The following STIM2 variants were observed in gnomAD, a reference collection of about 807,000 sequenced individuals.
The protein encoded by STIM2 is stromal interaction molecule 2.
In STIM2, 31 loss-of-function variants were observed where a neutral mutation model predicts 85.8. The observed-to-expected ratio is 0.36, with a 90% CI of 0.27 to 0.49. The LOEUF (loss-of-function observed/expected upper bound fraction) is 0.49, where lower values mean the gene tolerates loss of function less well. Among genes scored for constraint, STIM2 ranks in the 20% least tolerant of loss-of-function variants. STIM2 has a pLI of 0.98. For synonymous variants in STIM2, 356 were observed against 331.1 expected, an observed-to-expected ratio of 1.08 and a Z score of -0.82; for missense variants, 841 against 927.6, an observed-to-expected ratio of 0.91 and a Z score of 1.21.
At chr4:26,985,801 T>C (rs977602392) in intron 3 of STIM2, among the ~76,000 whole-genome samples, 19 of 152,222 alleles carry the variant, frequency 1.2e-4, no homozygotes, top group Non-Finnish European at 7.3e-5. Context: ...ATTAAAAAAA[T>C]TATTAACAAG....
At chr4:27,013,027 C>T (rs750831860) in intron 10 of STIM2, among the ~76,000 whole-genome samples, 1 of 151,804 alleles carries the variant, frequency 6.6e-6, no homozygotes. Flanking sequence ...GCGTTTGGTT[C>T]GTTATTTAGG....
chr4:26,909,183 G>A (rs959568015), intron 1 of STIM2, among the ~76,000 whole-genome samples: 1 of 152,174 alleles, frequency 6.6e-6, no homozygotes, highest in South Asian at 2.1e-4. Flanking sequence ...CGACTGTGTC[G>A]TTTATTAACT....
rs183882907 is a variant in STIM2 at position 26,913,896 on chromosome 4, A to G, written c.152-5608A>G. Among the ~76,000 whole-genome samples the G allele has an allele frequency of 5.0e-3, 759 of 152,294 alleles. 9 individuals are homozygous for G. Among genetic ancestry groups the G allele is most frequent in the African/African-American group, 0.018 (736 of 41,570 alleles). The stretch of plus-strand genomic sequence containing the variant: ...GGCGGGAGAGTTAGTAAGCAAACGA[A>G]TCAACTCATATACTGCCCTGTGATA... On this transcript the variant is annotated intron_variant, in intron 1 of 11. Coordinates refer to ENST00000467087, the MANE Select transcript of STIM2 (RefSeq NM_020860.4).
chr4:26,957,012 G>T (rs1726270790), intron 2 of STIM2, among the ~76,000 whole-genome samples: 3 of 152,116 alleles, frequency 2.0e-5, no homozygotes, highest in Admixed American at 2.0e-4. Flanking sequence ...CTTGGTGTCT[G>T]TGGGGGATTA....
intron 2 of STIM2, among the ~76,000 whole-genome samples, chr4:26,956,142 T>C (rs116224221): frequency 3.6e-4 from 55 of 152,204 alleles, no homozygotes; most frequent in Non-Finnish European, 6.8e-4. Flanking sequence ...TTATGTGATC[T>C]TATAGTTTTG....
At chr4:26,921,995 A>G (rs1489709538) in intron 2 of STIM2, among the ~76,000 whole-genome samples, 1 of 152,218 alleles carries the variant, frequency 6.6e-6, no homozygotes, top group Non-Finnish European at 1.5e-5. Flanking sequence ...CACCGACTAT[A>G]TGATAATTCT....
chr4:27,002,881 A>C (rs1728206721), intron 6 of STIM2, 46 bp from the exon 7 acceptor site: 1 of 1,451,092 alleles, frequency 6.9e-7, no homozygotes, highest in African/African-American at 1.5e-5. Flanking sequence ...AAAAAAATAA[A>C]ACTGGAAATT....
chr4:26,901,803 CTTGGTGGTCTT>C (rs1297321322), intron 1 of STIM2, among the ~76,000 whole-genome samples: 1 of 152,124 alleles, frequency 6.6e-6, no homozygotes, highest in Non-Finnish European at 1.5e-5. Context: ...TGACTCCAGA[CTTGGTGGTCTT>C]TGTGAAATTC....
chr4:26,931,598 G>A (rs1560211009), intron 2 of STIM2, among the ~76,000 whole-genome samples: 1 of 152,134 alleles, frequency 6.6e-6, no homozygotes, highest in Non-Finnish European at 1.5e-5. Context: ...GCTTTGCAGT[G>A]AATGGTGACT....
intron 1 of STIM2, chr4:26,881,477 A>AT (rs1203579484): frequency 6.6e-6 from 1 of 152,230 alleles, no homozygotes; most frequent in Non-Finnish European, 1.5e-5. Context: ...AAAAAAAAAA[A>AT]AAAGCCACTT....
intron 11 of STIM2, chr4:27,019,399 G>A (rs1157818917): frequency 6.2e-6 from 8 of 1,288,474 alleles, no homozygotes; most frequent in East Asian, 1.1e-4. Context: ...TGTCTTTGCA[G>A]TATGATCATA....
chr4:27,018,911 A>G (rs555768885), intron 11 of STIM2, among the ~76,000 whole-genome samples: 3 of 152,374 alleles, frequency 2.0e-5, no homozygotes, highest in Middle Eastern at 3.4e-3. Context: ...CATAAGCAGT[A>G]TCATATGCCA....
chr4:26,868,064 G>C (rs1722469637), intron 1 of STIM2, among the ~76,000 whole-genome samples: 1 of 152,198 alleles, frequency 6.6e-6, no homozygotes, highest in Non-Finnish European at 1.5e-5. Context: ...TTTCTACTAG[G>C]CTTTGTCAGC....
rs1723365935 is a variant in STIM2 at position 26,889,087 on chromosome 4, CA to C, written c.151+27723del. 2.0e-5 allele frequency among the ~76,000 whole-genome samples: 3 copies of C among 152,254 alleles called. No individual in the cohort carries two copies. The South Asian group carries it at 6.2e-4, about 32-fold the overall frequency. On this transcript the variant is annotated intron_variant, in intron 1 of 11. Transcript: ENST00000467087. ...GAGGATAAGGTTAAAGAATAGGCAACAAAAATTTCGCTAGTGAAACAATAGG... is the reference window on the plus strand; with the variant it reads ...GAGGATAAGGTTAAAGAATAGGCAACAAAATTTCGCTAGTGAAACAATAGG...
In STIM2 at chr4:26,861,176, C is replaced by A; in HGVS notation, c.-43C>A. 7.1e-7 allele frequency: 1 copy of A among 1,409,822 alleles called. No homozygotes were observed. The allele number at this position is 1,409,822 out of a possible 1,614,324, so 87.3% of individuals were successfully genotyped here. A position where few individuals can be genotyped will look rare whatever the true frequency, so the allele number is the denominator to read the frequency against. Reference sequence around the variant, plus strand: ...GCCTTCATCCCGCCTCGACTCCTGGCCCAGCGTGGGGCTGGCTGCTGCGGC... The same window carrying A: ...GCCTTCATCCCGCCTCGACTCCTGGACCAGCGTGGGGCTGGCTGCTGCGGC... On this transcript the variant is annotated 5_prime_UTR_variant, in exon 1 of 12. Transcript: ENST00000467087.
chr4:26,944,785 C>A (rs1270029499), intron 2 of STIM2, among the ~76,000 whole-genome samples: 1 of 152,052 alleles, frequency 6.6e-6, no homozygotes, highest in Non-Finnish European at 1.5e-5. Context: ...GTATTTTCCC[C>A]AACACTATCT....
At chr4:26,936,439 TCTA>T (rs1359226671) in intron 2 of STIM2, among the ~76,000 whole-genome samples, 2 of 152,216 alleles carry the variant, frequency 1.3e-5, no homozygotes, top group African/African-American at 4.8e-5. Flanking sequence ...TTTCTCTTAT[TCTA>T]CTGTTTCTTA....
intron 1 of STIM2, among the ~76,000 whole-genome samples, chr4:26,881,307 A>G (rs1198986925): frequency 6.6e-6 from 1 of 152,100 alleles, no homozygotes. Flanking sequence ...CTTTACTAAA[A>G]ATACAAAAAT....
chr4:26,861,162 G>T lies in STIM2; in HGVS notation c.-57G>T, dbSNP rs994134145. On this transcript the variant is annotated 5_prime_UTR_variant, in exon 1 of 12. Coordinates refer to ENST00000467087, the MANE Select transcript of STIM2 (RefSeq NM_020860.4). ...GGCTTCTCCTCGGCGCCTTCATCCCGCCTCGACTCCTGGCCCAGCGTGGGG... is the reference window on the plus strand; with the variant it reads ...GGCTTCTCCTCGGCGCCTTCATCCCTCCTCGACTCCTGGCCCAGCGTGGGG... The T allele has an allele frequency of 1.5e-6, 2 of 1,362,102 alleles. No homozygotes were observed. The highest frequency in any genetic ancestry group is 1.5e-5 in the African/African-American group (1 of 66,564). The allele number at this position is 1,362,102 out of a possible 1,614,324, so 84.4% of individuals were successfully genotyped here. A position where few individuals can be genotyped will look rare whatever the true frequency, so the allele number is the denominator to read the frequency against.
Sources: gnomAD v4.1 joint callset for allele counts (sites outside exome capture counted in the v4.1 genomes callset) on GRCh38, gnomAD v4.1.1 for gene constraint, MANE v1.5 for transcripts, NCBI Gene and HGNC (gene_info 2026-07-23, HGNC 2026-07-21) for gene names.